Variants in FOLR1 observed in about 807,000 individuals in gnomAD.
FOLR1 encodes KB cells FBP.
FOLR1 carries 11 observed loss-of-function variants against 22.8 expected under a neutral mutation model. That is an observed-to-expected ratio of 0.48 (90% confidence interval 0.30 to 0.80). The LOEUF is 0.80. Ranked by LOEUF, FOLR1 falls within the 30% of genes least tolerant of loss-of-function variation. The pLI is 0.06. For synonymous variants in FOLR1, 108 were observed against 116.5 expected (o/e 0.93, Z 0.47); for missense variants, 273 against 320.3 (o/e 0.85, Z 1.13).
chr11:72,195,633 G>C lies in FOLR1; in HGVS notation c.379G>C (p.Glu127Gln). Residue 127 changes from glutamate (E) to glutamine (Q), a missense_variant, in exon 3 of 4, where the codon GAG (glutamate) becomes CAG (glutamine). By Grantham distance (29) the Glu-to-Gln change is conservative. Transcript: ENST00000393676. ...CCAGGTGGATCAGAGCTGGCGCAAA[G>C]AGCGGGTACTGAACGTGCCCCTGTG... ...IQQVDQSWRK[E>Q]RVLNVPLCKE... 6.2e-7 allele frequency: 1 copy of C among 1,614,228 alleles called. No homozygotes were observed. Among genetic ancestry groups the C allele is most frequent in the Non-Finnish European group, 8.5e-7 (1 of 1,180,040 alleles).
chr11:72,189,712 G>A (rs1204650744), upstream of FOLR1: 1 of 152,492 alleles, frequency 6.6e-6, no homozygotes, highest in East Asian at 1.9e-4. Flanking sequence ...GGGGAGTGTA[G>A]AGCAGAGCAG....
intron 1 of FOLR1, 94 bp downstream of exon 1, chr11:72,192,435 A>G (rs1343592466): frequency 5.8e-6 from 8 of 1,374,928 alleles, no homozygotes; most frequent in African/African-American, 1.4e-5. Flanking sequence ...TGGTGAACTG[A>G]AGTGGAGGAG....
Position 72,192,243 on chromosome 11 carries a change from A to T in FOLR1, c.70A>T (p.Thr24Ser). The change falls in exon 1 of 4, where the codon ACA (threonine) becomes TCA (serine). Residue 24 changes from threonine (T) to serine (S), a missense_variant. Physicochemically the swap from Thr to Ser is moderately conservative, Grantham distance 58. Coordinates refer to ENST00000393676, the MANE Select transcript of FOLR1 (RefSeq NM_016729.3). ...VWVAVVGEAQ[T>S]RIAWARTELL... ...GGTGGCTGTAGTAGGGGAGGCTCAG[A>T]CAAGGATTGCATGGGCCAGGACTGA... 1 of 1,614,182 alleles carries T rather than the reference A, an allele frequency of 6.2e-7. No individual in the cohort carries two copies. Among genetic ancestry groups the T allele is most frequent in the Non-Finnish European group, 8.5e-7 (1 of 1,180,018 alleles).
At chr11:72,195,552 C>T (rs1354770428) in intron 2 of FOLR1, 60 bp from the exon 3 acceptor site, 12 of 1,613,244 alleles carry the variant, frequency 7.4e-6, no homozygotes, top group African/African-American at 2.7e-5. Flanking sequence ...CAGTTCTATT[C>T]GGGGCTGAGT....
chr11:72,192,505 C>A (rs1948170357), intron 1 of FOLR1, among the ~76,000 whole-genome samples, 164 bp downstream of exon 1: 1 of 152,190 alleles, frequency 6.6e-6, no homozygotes, highest in African/African-American at 2.4e-5. Context: ...AATGTCGGTA[C>A]AATGCCAACA....
At chr11:72,193,320 C>G (rs1304162309) in intron 1 of FOLR1, among the ~76,000 whole-genome samples, 2 of 143,390 alleles carry the variant, frequency 1.4e-5, no homozygotes, top group Non-Finnish European at 3.0e-5. Flanking sequence ...AGAGTGAGAC[C>G]TTGTCAAAAG....
At chr11:72,195,184 C>A in intron 1 of FOLR1, 87 bp from the exon 2 acceptor site, 1 of 1,303,632 alleles carries the variant, frequency 7.7e-7, no homozygotes, top group Non-Finnish European at 1.1e-6. Context: ...GAATCAAGGA[C>A]TAAGAGGGGA....
chr11:72,196,089 A>G lies in FOLR1; in HGVS notation c.686A>G (p.Tyr229Cys), dbSNP rs1358361643. 4.3e-6 allele frequency: 7 copies of G among 1,614,176 alleles called. No homozygotes were observed. The highest frequency in any genetic ancestry group is 1.3e-5 in the African/African-American group (1 of 75,050). The part of the protein sequence containing the change: ...GNPNEEVARF[Y>C]AAAMSGAGPW... Reference sequence around the variant, plus strand: ...CCCAATGAGGAGGTGGCGAGGTTCTATGCTGCAGCCATGAGTGGGGCTGGG... The same window carrying G: ...CCCAATGAGGAGGTGGCGAGGTTCTGTGCTGCAGCCATGAGTGGGGCTGGG... The change falls in exon 4 of 4, where the codon TAT becomes TGT. Residue 229 changes from tyrosine (Y) to cysteine (C), a missense_variant. By Grantham distance (194) the Tyr-to-Cys change is radical. Transcript: ENST00000393676.
At chr11:72,195,526 G>T in intron 2 of FOLR1, 67 bp downstream of exon 2, 2 of 1,612,764 alleles carry the variant, frequency 1.2e-6, no homozygotes, top group Non-Finnish European at 1.7e-6. Flanking sequence ...ATCTCTGCAG[G>T]CTGCAACCCC....
chr11:72,194,887 G>A (rs903891198), intron 1 of FOLR1, among the ~76,000 whole-genome samples: 1 of 152,192 alleles, frequency 6.6e-6, no homozygotes, highest in African/African-American at 2.4e-5. Flanking sequence ...ACACCTCAGT[G>A]AGGCTTAATC....
rs1346855611 is a variant in FOLR1 at position 72,196,215 on chromosome 11, T to C, written c.*38T>C. On this transcript the variant is annotated 3_prime_UTR_variant, in exon 4 of 4. Transcript: ENST00000393676. ...TTCTGATACCTGGAAATCCCTGCCC[T>C]GTTCAGCCCCACAGCTCCCAACTAT... 1.9e-6 allele frequency: 3 copies of C among 1,612,624 alleles called. No homozygotes were observed. Among genetic ancestry groups the C allele is most frequent in the South Asian group, 1.1e-5 (1 of 90,994 alleles).
Position 72,195,994 on chromosome 11 carries a change from C to T in FOLR1, c.591C>T (p.Tyr197=). 6.2e-7 allele frequency: 1 copy of T among 1,614,220 alleles called. No homozygotes were observed. The highest frequency in any genetic ancestry group is 8.5e-7 in the Non-Finnish European group (1 of 1,180,046). Residue 197 remains tyrosine, a synonymous_variant, in exon 4 of 4, where the codon TAC becomes TAT. Coordinates refer to ENST00000393676, the MANE Select transcript of FOLR1 (RefSeq NM_016729.3). ...VLCNEIWTHS[Y]KVSNYSRGSG... is the part of the protein sequence containing the mutation. ...GCAATGAAATCTGGACTCACTCCTA[C>T]AAGGTCAGCAACTACAGCCGAGGGA...
upstream of FOLR1, among the ~76,000 whole-genome samples, chr11:72,191,168 G>A (rs939674350): frequency 6.6e-6 from 1 of 152,054 alleles, no homozygotes; most frequent in Non-Finnish European, 1.5e-5. Flanking sequence ...AAGGCCCCAG[G>A]GCTGTCCAGC....
At chr11:72,192,943 G>C (rs981978979) in intron 1 of FOLR1, among the ~76,000 whole-genome samples, 1 of 152,016 alleles carries the variant, frequency 6.6e-6, no homozygotes, top group South Asian at 2.1e-4. Context: ...TGTGTCTCTC[G>C]ACCACATTGG....
At position 72,192,333 on chromosome 11, in the gene FOLR1, C is replaced by A; in HGVS notation, c.160C>A (p.His54Asn). Residue 54 changes from histidine to asparagine, a missense_variant, in exon 1 of 4, where the codon CAT (histidine) becomes AAT (asparagine). By Grantham distance (68) the His-to-Asn change is moderately conservative. Transcript: ENST00000393676. ...AAAGCCAGGCCCCGAGGACAAGTTGCATGAGCAGGTGGGCCAGGGGGTGAT... is the reference window on the plus strand; with the variant it reads ...AAAGCCAGGCCCCGAGGACAAGTTGAATGAGCAGGTGGGCCAGGGGGTGAT... The part of the protein sequence containing the change: ...KEKPGPEDKL[H>N]EQCRPWRKNA... 1 of 1,614,022 alleles carries A rather than the reference C, an allele frequency of 6.2e-7. No homozygotes were observed.
At chr11:72,194,638 A>T (rs1948202561) in intron 1 of FOLR1, among the ~76,000 whole-genome samples, 1 of 151,602 alleles carries the variant, frequency 6.6e-6, no homozygotes, top group Non-Finnish European at 1.5e-5. Flanking sequence ...TAGCCTCGTG[A>T]TCCACCCGCC....
chr11:72,191,365 CT>C (rs5792581), upstream of FOLR1, among the ~76,000 whole-genome samples: 665 of 144,858 alleles, frequency 4.6e-3, 1 homozygote, highest in African/African-American at 8.5e-3. Flanking sequence ...TTTTTATAAA[CT>C]TTTTTTTTTT....
chr11:72,194,457 T>G (rs764980498), intron 1 of FOLR1, among the ~76,000 whole-genome samples: 1 of 152,180 alleles, frequency 6.6e-6, no homozygotes, highest in Non-Finnish European at 1.5e-5. Flanking sequence ...TGGAGTGCAG[T>G]GGCATGATCT....
At chr11:72,195,191 G>A (rs1948210135) in intron 1 of FOLR1, 80 bp from the exon 2 acceptor site, 1 of 1,340,706 alleles carries the variant, frequency 7.5e-7, no homozygotes, top group South Asian at 1.2e-5. Flanking sequence ...GGACTAAGAG[G>A]GGAGACACTG....
Sources: gnomAD v4.1 joint callset for allele counts (sites outside exome capture counted in the v4.1 genomes callset) on GRCh38, gnomAD v4.1.1 for gene constraint, MANE v1.5 for transcripts, NCBI Gene and HGNC (gene_info 2026-07-23, HGNC 2026-07-21) for gene names.